The following ASTN2 variants were observed in gnomAD, a reference collection of about 807,000 sequenced individuals.
ASTN2 encodes the protein astrotactin-2.
A neutral mutation model predicts 139.8 loss-of-function variants in ASTN2; 54 were observed. That is an observed-to-expected ratio of 0.39 (90% confidence interval 0.31 to 0.48). ASTN2 has a LOEUF of 0.48. Among genes scored for constraint, ASTN2 ranks in the 20% least tolerant of loss-of-function variants. The pLI, the probability that ASTN2 is intolerant of heterozygous loss-of-function variation, is 0.95. For synonymous variants in ASTN2, 756 were observed against 719.5 expected (o/e 1.05, Z -0.81); for missense variants, 1,565 against 1,725.1 (o/e 0.91, Z 1.64).
intron 3 of ASTN2, among the ~76,000 whole-genome samples, chr9:117,200,115 T>A (rs954959678): frequency 3.3e-5 from 5 of 151,750 alleles, no homozygotes; most frequent in African/African-American, 1.2e-4. Flanking sequence ...AGTTTTAGGG[T>A]ACATGTGCGC....
intron 5 of ASTN2, among the ~76,000 whole-genome samples, chr9:117,084,188 T>C (rs1302695329): frequency 1.3e-5 from 2 of 152,202 alleles, no homozygotes; most frequent in Non-Finnish European, 2.9e-5. Flanking sequence ...CAAATGCAGA[T>C]GTAGATCAAA....
chr9:116,952,977 C>A (rs1180609933), intron 10 of ASTN2, among the ~76,000 whole-genome samples: 1 of 152,176 alleles, frequency 6.6e-6, no homozygotes, highest in Non-Finnish European at 1.5e-5. Flanking sequence ...TCCCACAGTG[C>A]GACCTTGGGC....
At chr9:117,262,259 TTCC>T (rs2133110253) in intron 2 of ASTN2, among the ~76,000 whole-genome samples, 1 of 152,274 alleles carries the variant, frequency 6.6e-6, no homozygotes, top group South Asian at 2.1e-4. Flanking sequence ...CAATTTGTTT[TTCC>T]TGTGGTTAGG....
At chr9:116,932,572 A>G (rs1834931852) in intron 10 of ASTN2, among the ~76,000 whole-genome samples, 1 of 152,032 alleles carries the variant, frequency 6.6e-6, no homozygotes, top group Admixed American at 6.5e-5. Context: ...TGTGGATGGG[A>G]GAGTTACATG....
chr9:117,021,741 A>G (rs1837887351), intron 6 of ASTN2, among the ~76,000 whole-genome samples: 1 of 152,170 alleles, frequency 6.6e-6, no homozygotes. Context: ...TTGGATAACA[A>G]TCTCACAGGA....
At chr9:116,807,959 A>C (rs1831070223) in intron 12 of ASTN2, among the ~76,000 whole-genome samples, 2 of 151,486 alleles carry the variant, frequency 1.3e-5, no homozygotes, top group Non-Finnish European at 2.9e-5. Context: ...AAAAAAAAAA[A>C]AAAAATTAGC....
intron 14 of ASTN2, among the ~76,000 whole-genome samples, chr9:116,729,609 G>C (rs1201067759): frequency 6.6e-6 from 1 of 152,178 alleles, no homozygotes; most frequent in Non-Finnish European, 1.5e-5. Context: ...CAGCAGAGTT[G>C]AGCAGTTGCA....
rs1564167766 is a variant in ASTN2 at position 117,365,000 on chromosome 9, A to ACAC, written c.442+49496_442+49497insGTG. Among the ~76,000 whole-genome samples, 706 of 96,280 alleles carry ACAC rather than the reference A, an allele frequency of 7.3e-3. 15 individuals are homozygous for ACAC. The highest frequency in any genetic ancestry group is 0.033 in the East Asian group (86 of 2,574). The allele number at this position is 96,280 out of a possible 152,430, so 63.2% of individuals were successfully genotyped here. A position where few individuals can be genotyped will look rare whatever the true frequency, so the allele number is the denominator to read the frequency against. ...ACACACACACACACACACACACACA[A>ACAC]AATCAGCCATGCATTATGGCATGCA... On this transcript the variant is annotated intron_variant, in intron 1 of 22. Coordinates refer to ENST00000313400, the MANE Select transcript of ASTN2 (RefSeq NM_001365068.1).
At chr9:116,891,925 T>G (rs1833772056) in intron 10 of ASTN2, among the ~76,000 whole-genome samples, 1 of 152,222 alleles carries the variant, frequency 6.6e-6, no homozygotes, top group African/African-American at 2.4e-5. Flanking sequence ...ATTCAAGGTA[T>G]ATAAGCTATT....
chr9:116,784,222 T>A (rs545300939), intron 13 of ASTN2, among the ~76,000 whole-genome samples: 2 of 152,170 alleles, frequency 1.3e-5, no homozygotes, highest in African/African-American at 4.8e-5. Flanking sequence ...TCCTGAACAA[T>A]TCAATCATAA....
rs1176573100 is a variant in ASTN2 at position 117,066,468 on chromosome 9, G to A, written c.1277-26503C>T. 2.1e-4 allele frequency among the ~76,000 whole-genome samples: 31 copies of A among 147,908 alleles called. 3 individuals carry two copies. The highest frequency in any genetic ancestry group is 2.1e-3 in the East Asian group (10 of 4,850). On this transcript the variant is annotated intron_variant, in intron 5 of 22. Transcript: ENST00000313400. ...AGTCTTTGCTATTGTGAATAATGCT[G>A]CAATAAACATACGTGTGCATGTGTC...
chr9:116,974,452 G>T (rs1288702911), intron 10 of ASTN2, among the ~76,000 whole-genome samples: 1 of 151,462 alleles, frequency 6.6e-6, no homozygotes. Flanking sequence ...ATAATGTAAA[G>T]TGAAATGTAG....
At chr9:116,888,064 CA>C (rs1233482711) in intron 10 of ASTN2, among the ~76,000 whole-genome samples, 1 of 152,096 alleles carries the variant, frequency 6.6e-6, no homozygotes, top group African/African-American at 2.4e-5. Context: ...ATAAGATCAG[CA>C]GTAACTTATA....
chr9:116,967,346 C>T (rs1836042227), intron 10 of ASTN2, among the ~76,000 whole-genome samples: 1 of 152,198 alleles, frequency 6.6e-6, no homozygotes, highest in East Asian at 1.9e-4. Flanking sequence ...CAGTTTGGCT[C>T]CAGTATCCAT....
chr9:116,558,796 A>C (rs1028300079), intron 19 of ASTN2, among the ~76,000 whole-genome samples: 8 of 152,204 alleles, frequency 5.3e-5, no homozygotes, highest in African/African-American at 1.4e-4. Context: ...AGTTTGTCTG[A>C]GCCTCAGTTT....
At chr9:116,947,146 A>G (rs1835422453) in intron 10 of ASTN2, among the ~76,000 whole-genome samples, 1 of 152,170 alleles carries the variant, frequency 6.6e-6, no homozygotes, top group Non-Finnish European at 1.5e-5. Flanking sequence ...AAATGGTTTT[A>G]GAATCTGACA....
rs191093701 is a variant in ASTN2, at chr9:117,258,447, T to C, written c.630+32879A>G. ...CTTTTCCTGTTCATTTGGAAACACC[T>C]CCCTGATTATTGTCTGTGTGACAGT... On this transcript the variant is annotated intron_variant, in intron 2 of 22. Coordinates refer to ENST00000313400, the MANE Select transcript of ASTN2 (RefSeq NM_001365068.1). Among the ~76,000 whole-genome samples, 61 of 152,250 alleles carry C rather than the reference T, an allele frequency of 4.0e-4. No individual in the cohort carries two copies. In the East Asian group the frequency reaches 8.7e-3, roughly 22 times the overall value.
chr9:117,122,957 C>T (rs758794019), intron 4 of ASTN2, among the ~76,000 whole-genome samples: 3 of 152,062 alleles, frequency 2.0e-5, no homozygotes, highest in Non-Finnish European at 4.4e-5. Flanking sequence ...ACACACAGAC[C>T]AGATGAGGAG....
intron 5 of ASTN2, among the ~76,000 whole-genome samples, chr9:117,074,249 G>C (rs1828215001): frequency 6.6e-6 from 1 of 151,736 alleles, no homozygotes; most frequent in Non-Finnish European, 1.5e-5. Flanking sequence ...CCGTTCTCTA[G>C]AGGAGGAGGA....
Sources: allele counts gnomAD v4.1 joint callset (sites outside exome capture counted in the v4.1 genomes callset), GRCh38; gene constraint gnomAD v4.1.1; transcripts MANE v1.5; gene names NCBI Gene and HGNC (gene_info 2026-07-23, HGNC 2026-07-21).